Variants in PDE12 observed in about 807,000 individuals in gnomAD.
PDE12 encodes 2',5'-phosphodiesterase 12.
A neutral mutation model predicts 45.4 loss-of-function variants in PDE12; 26 were observed. The observed-to-expected ratio is 0.57, with a 90% CI of 0.42 to 0.79. The LOEUF (loss-of-function observed/expected upper bound fraction) is 0.79, where lower values mean the gene tolerates loss of function less well. Among genes scored for constraint, PDE12 ranks in the 30% least tolerant of loss-of-function variants. The pLI, the probability that PDE12 is intolerant of heterozygous loss-of-function variation, is 0.00. For missense variants in PDE12, 668 were observed against 790.0 expected (o/e 0.85, Z 1.85); for synonymous variants, 283 against 323.9 (o/e 0.87, Z 1.36).
At chr3:57,595,472 G>A in the PDE12 span, among the ~76,000 whole-genome samples, 1 of 152,086 alleles carries the variant, frequency 6.6e-6, no homozygotes, top group East Asian at 1.9e-4. Context: ...CTTGACAAAG[G>A]AAATCTAAGA....
chr3:57,557,805 G>C, intron 1 of PDE12, 118 bp downstream of exon 1: 1 of 897,648 alleles, frequency 1.1e-6, no homozygotes, highest in East Asian at 2.6e-5. Flanking sequence ...TGAAAGGTGT[G>C]TTTGCCCTTG....
the PDE12 span, among the ~76,000 whole-genome samples, chr3:57,584,879 G>A: frequency 8.2e-4 from 125 of 151,974 alleles, 1 homozygote; most frequent in African/African-American, 2.7e-3. Flanking sequence ...GCAGGGGAGC[G>A]GGGGGACGTA....
chr3:57,623,874 A>G, the PDE12 span, among the ~76,000 whole-genome samples: 1 of 152,220 alleles, frequency 6.6e-6, no homozygotes. Flanking sequence ...GAAATAGTAT[A>G]ATGATGACAA....
chr3:57,624,481 TG>T, the PDE12 span, among the ~76,000 whole-genome samples: 13 of 151,918 alleles, frequency 8.6e-5, 1 homozygote, highest in South Asian at 2.7e-3. Context: ...TTTTTAGAGA[TG>T]GGGTCTCAGG....
the PDE12 span, among the ~76,000 whole-genome samples, chr3:57,622,986 AT>A: frequency 6.6e-6 from 1 of 152,224 alleles, no homozygotes; most frequent in Non-Finnish European, 1.5e-5. Context: ...GGTGATGAAT[AT>A]GTTCACTATC....
At chr3:57,614,131 G>A in the PDE12 span, among the ~76,000 whole-genome samples, 13 of 152,100 alleles carry the variant, frequency 8.5e-5, no homozygotes, top group Non-Finnish European at 1.6e-4. Context: ...CAGAAAATCT[G>A]ACATGAACAA....
the PDE12 span, among the ~76,000 whole-genome samples, chr3:57,637,858 G>A: frequency 8.6e-5 from 13 of 151,714 alleles, no homozygotes; most frequent in Admixed American, 3.3e-4. Flanking sequence ...TGCACAGGCC[G>A]GGCACAGTGG....
the PDE12 span, among the ~76,000 whole-genome samples, chr3:57,644,767 T>G: frequency 0.036 from 36 of 992 alleles, no homozygotes; most frequent in African/African-American, 0.044. Flanking sequence ...AGGGGAGGGG[T>G]GAGGAGGGGA....
At chr3:57,596,311 G>C in the PDE12 span, among the ~76,000 whole-genome samples, 2 of 152,108 alleles carry the variant, frequency 1.3e-5, no homozygotes, top group Non-Finnish European at 2.9e-5. Context: ...TTAAAAATTC[G>C]TTTCTAAAAT....
At chr3:57,623,465 G>A in the PDE12 span, among the ~76,000 whole-genome samples, 46 of 152,038 alleles carry the variant, frequency 3.0e-4, no homozygotes, top group Admixed American at 2.0e-3. Context: ...GATCACCTAA[G>A]GTCAGGAGTT....
chr3:57,586,481 C>T, the PDE12 span, among the ~76,000 whole-genome samples: 1 of 152,200 alleles, frequency 6.6e-6, no homozygotes, highest in Non-Finnish European at 1.5e-5. Context: ...ACCCTTTCTA[C>T]TCTGTACCCT....
chr3:57,652,191 C>T, the PDE12 span, among the ~76,000 whole-genome samples: 1 of 152,182 alleles, frequency 6.6e-6, no homozygotes, highest in South Asian at 2.1e-4. Flanking sequence ...GTAGAAATGA[C>T]AATGTACAAC....
At chr3:57,644,683 A>G in the PDE12 span, among the ~76,000 whole-genome samples, 4 of 100,190 alleles carry the variant, frequency 4.0e-5, no homozygotes, top group Admixed American at 4.3e-4. Context: ...CCTGGGCAAC[A>G]GGGAAGGGAG....
the PDE12 span, among the ~76,000 whole-genome samples, chr3:57,595,030 G>C: frequency 6.6e-6 from 1 of 152,164 alleles, no homozygotes; most frequent in African/African-American, 2.4e-5. Context: ...TAGCATGCCT[G>C]AGTAATAAAA....
At chr3:57,647,270 C>T in the PDE12 span, among the ~76,000 whole-genome samples, 1 of 152,074 alleles carries the variant, frequency 6.6e-6, no homozygotes, top group Non-Finnish European at 1.5e-5. Context: ...TATTCAAAAA[C>T]AAGATAAGTG....
At chr3:57,639,522 G>A in the PDE12 span, among the ~76,000 whole-genome samples, 1 of 152,186 alleles carries the variant, frequency 6.6e-6, no homozygotes, top group African/African-American at 2.4e-5. Context: ...CCATGAAAAT[G>A]TCAAGATTAA....
chr3:57,593,015 G>A, the PDE12 span, among the ~76,000 whole-genome samples: 12 of 152,058 alleles, frequency 7.9e-5, no homozygotes, highest in African/African-American at 2.2e-4. Flanking sequence ...GATCAGCTGG[G>A]CAACAGAGCA....
chr3:57,581,112 A>T, the PDE12 span, among the ~76,000 whole-genome samples: 1 of 152,242 alleles, frequency 6.6e-6, no homozygotes. Context: ...TTACAATGGC[A>T]AATTAGTTGG....
the PDE12 span, chr3:57,597,232 G>C: frequency 1.6e-6 from 2 of 1,259,126 alleles, no homozygotes; most frequent in African/African-American, 1.5e-5. Context: ...AACTAAACGA[G>C]AGGGAAGAGA....
Sources: gnomAD v4.1 joint callset for allele counts (sites outside exome capture counted in the v4.1 genomes callset) on GRCh38, gnomAD v4.1.1 for gene constraint, MANE v1.5 for transcripts, NCBI Gene and HGNC (gene_info 2026-07-23, HGNC 2026-07-21) for gene names.